GNB5: variants seen among roughly 807,000 people sequenced by gnomAD.
The protein encoded by GNB5 is G protein subunit beta 5.
Under a neutral mutation model 55.3 loss-of-function variants are expected in GNB5, and 37 were observed. That is an observed-to-expected ratio of 0.67 (90% CI 0.51 to 0.88). GNB5 has a LOEUF of 0.88. GNB5 is among the 40% of genes least tolerant of loss of function. The pLI is 0.00. For synonymous variants in GNB5, 219 were observed against 198.5 expected (o/e 1.10, Z -0.87); for missense variants, 476 against 515.3 (o/e 0.92, Z 0.74).
intron 3 of GNB5, among the ~76,000 whole-genome samples, chr15:52,173,453 CT>C (rs2034590659): frequency 6.6e-6 from 1 of 152,152 alleles, no homozygotes; most frequent in African/African-American, 2.4e-5. Flanking sequence ...ATGAAGTAAA[CT>C]AGGCAAAGAA....
At chr15:52,187,071 A>G (rs2141245105) in intron 1 of GNB5, among the ~76,000 whole-genome samples, 1 of 152,342 alleles carries the variant, frequency 6.6e-6, no homozygotes, top group Non-Finnish European at 1.5e-5. Context: ...GTCTGTAAGT[A>G]GCATGAATAC....
intron 3 of GNB5, among the ~76,000 whole-genome samples, chr15:52,166,703 T>C (rs2034458027): frequency 6.6e-6 from 1 of 152,170 alleles, no homozygotes; most frequent in Non-Finnish European, 1.5e-5. Flanking sequence ...AGGGAAATTT[T>C]AGCACTAAAT....
chr15:52,155,672 T>C (rs1439795978), intron 3 of GNB5, among the ~76,000 whole-genome samples: 11 of 152,226 alleles, frequency 7.2e-5, no homozygotes, highest in Admixed American at 6.5e-4. Flanking sequence ...CCTCCAGTTA[T>C]GTGGCTGCTT....
chr15:52,139,753 G>A (rs1222903666), intron 7 of GNB5: 3 of 1,175,304 alleles, frequency 2.6e-6, no homozygotes, highest in East Asian at 6.9e-5. Context: ...GAGGTAGCCA[G>A]CTGTGACTTC....
chr15:52,132,036 T>A (rs1238038491), intron 9 of GNB5, among the ~76,000 whole-genome samples: 1 of 152,220 alleles, frequency 6.6e-6, no homozygotes, highest in Non-Finnish European at 1.5e-5. Context: ...TCTTAGTAAA[T>A]GGACTGCTGC....
In GNB5 at chr15:52,156,901, G is replaced by A. The variant is rs192323724; in HGVS notation, c.239-2825C>T. On this transcript the variant is annotated intron_variant, in intron 3 of 12. Transcript: ENST00000261837. ...AAATACGTTCTTTACAAAATACATC[G>A]AATGAAGTTTAAAAATAGATTGAAT... 4.4e-3 allele frequency among the ~76,000 whole-genome samples: 672 copies of A among 151,516 alleles called. 4 individuals are homozygous for A. Among genetic ancestry groups the A allele is most frequent in the African/African-American group, 0.016 (659 of 41,278 alleles).
intron 3 of GNB5, among the ~76,000 whole-genome samples, chr15:52,173,603 T>A (rs575639640): frequency 5.9e-5 from 9 of 152,152 alleles, no homozygotes; most frequent in Non-Finnish European, 1.3e-4. Flanking sequence ...CAAGGTGAAG[T>A]GGAAGAGGTA....
chr15:52,186,588 G>C (rs976278393), intron 1 of GNB5, among the ~76,000 whole-genome samples: 2 of 152,282 alleles, frequency 1.3e-5, no homozygotes, highest in East Asian at 3.9e-4. Context: ...GCGGTTAAGG[G>C]GGAAGGGAGC....
rs114286347 is a variant in GNB5, at chr15:52,159,586, T to A, written c.239-5510A>T. Among the ~76,000 whole-genome samples the A allele has an allele frequency of 4.3e-3, 651 of 152,246 alleles. 7 individuals carry two copies. Among genetic ancestry groups the A allele is most frequent in the African/African-American group, 0.015 (628 of 41,540 alleles). ...GCCAGTCCAGACCAAGGAATCAGAA[T>A]CAAAGTCATGGCTGGAACTCAAGAG... On this transcript the variant is annotated intron_variant, in intron 3 of 12. Transcript: ENST00000261837.
intron 8 of GNB5, among the ~76,000 whole-genome samples, chr15:52,135,240 C>G (rs1182891078): frequency 2.0e-5 from 3 of 152,148 alleles, no homozygotes; most frequent in Non-Finnish European, 4.4e-5. Context: ...GTGCGCATCT[C>G]TGATGCTCTC....
intron 3 of GNB5, among the ~76,000 whole-genome samples, chr15:52,178,289 G>T (rs34227118): frequency 1.1e-3 from 167 of 152,188 alleles, no homozygotes; most frequent in Non-Finnish European, 1.6e-3. Context: ...GAAATTAGAT[G>T]ACCTATGAAT....
In GNB5 at chr15:52,133,379, G is replaced by T; in HGVS notation, c.862C>A (p.Arg288=). The part of the protein sequence containing the change: ...ETHESDINSV[R]YYPSGDAFAS... ...GGCATGAACATTCTACTCACTGACC[G>T]GACACTGTTGATGTCAGATTCATGT... Residue 288 remains arginine, a splice_region_variant and synonymous_variant, in exon 9 of 13, where the codon CGG becomes AGG. Coordinates refer to ENST00000261837, the MANE Select transcript of GNB5 (RefSeq NM_016194.4). 6.3e-7 allele frequency: 1 copy of T among 1,588,110 alleles called. No individual in the cohort carries two copies. Among genetic ancestry groups the T allele is most frequent in the Non-Finnish European group, 8.6e-7 (1 of 1,156,342 alleles).
chr15:52,131,191 A>G (rs1184478267), intron 9 of GNB5, among the ~76,000 whole-genome samples: 1 of 152,238 alleles, frequency 6.6e-6, no homozygotes, highest in African/African-American at 2.4e-5. Flanking sequence ...TCATGGATAA[A>G]ATCAACTGCA....
chr15:52,175,816 CA>C (rs1596105606), intron 3 of GNB5, among the ~76,000 whole-genome samples: 2 of 151,496 alleles, frequency 1.3e-5, no homozygotes, highest in East Asian at 3.9e-4. Context: ...TTTGGGAGGC[CA>C]AGGTGGACGG....
intron 2 of GNB5, chr15:52,180,295 C>G (rs2034746746): frequency 6.5e-6 from 1 of 154,664 alleles, no homozygotes; most frequent in African/African-American, 2.4e-5. Context: ...CCCCAAGCCT[C>G]TCGTGCAGAT....
chr15:52,168,084 C>T (rs749027500), intron 3 of GNB5, among the ~76,000 whole-genome samples: 1 of 152,146 alleles, frequency 6.6e-6, no homozygotes, highest in African/African-American at 2.4e-5. Flanking sequence ...TTCCCCTTGA[C>T]TGGCACAAGA....
rs2033169675 is a variant in GNB5 at position 52,117,450 on chromosome 15, C to T, written c.*5307G>A. On this transcript the variant is annotated 3_prime_UTR_variant, in exon 13 of 13. Transcript: ENST00000261837. Reference sequence around the variant, plus strand: ...TACAGTGCCGCCAAACACTAGACTCCTATCTTGCTGCAAATTTGATTCCAT... The same window carrying T: ...TACAGTGCCGCCAAACACTAGACTCTTATCTTGCTGCAAATTTGATTCCAT... 1 of 152,244 alleles carries T rather than the reference C, an allele frequency of 6.6e-6. No individual in the cohort carries two copies. Among genetic ancestry groups the T allele is most frequent in the African/African-American group, 2.4e-5 (1 of 41,462 alleles). 9.4% of individuals were successfully genotyped at this position (152,244 alleles called of 1,614,324 possible). A position where few individuals can be genotyped will look rare whatever the true frequency, so the allele number is the denominator to read the frequency against.
intron 3 of GNB5, among the ~76,000 whole-genome samples, chr15:52,170,478 C>T (rs183494097): frequency 1.3e-5 from 2 of 152,232 alleles, no homozygotes; most frequent in East Asian, 3.9e-4. Context: ...CACATGTTCT[C>T]CTTTATAAGT....
chr15:52,135,077 G>A (rs1441060472), intron 8 of GNB5, among the ~76,000 whole-genome samples: 5 of 151,978 alleles, frequency 3.3e-5, no homozygotes, highest in Non-Finnish European at 7.4e-5. Flanking sequence ...TGCCAATTCT[G>A]AGCTTTCAAA....
Sources: gnomAD v4.1 joint callset for allele counts (sites outside exome capture counted in the v4.1 genomes callset) on GRCh38, gnomAD v4.1.1 for gene constraint, MANE v1.5 for transcripts, NCBI Gene and HGNC (gene_info 2026-07-23, HGNC 2026-07-21) for gene names.